The following FHAD1 variants were observed in gnomAD, a reference collection of about 807,000 sequenced individuals.
FHAD1 encodes the protein forkhead associated phosphopeptide binding domain 1.
A neutral mutation model predicts 191.3 loss-of-function variants in FHAD1; 146 were observed. That is an observed-to-expected ratio of 0.76 (90% confidence interval 0.67 to 0.88). The LOEUF is 0.88. Ranked by LOEUF, FHAD1 falls within the 40% of genes least tolerant of loss-of-function variation. The probability of loss-of-function intolerance (pLI) is 0.00; values close to 1 mark genes in which losing one functional copy is unlikely to be tolerated. For synonymous variants in FHAD1, 616 were observed against 672.3 expected, an observed-to-expected ratio of 0.92 and a Z score of 1.29; for missense variants, 1,635 against 1,785.8, an observed-to-expected ratio of 0.92 and a Z score of 1.52.
intron 5 of FHAD1, among the ~76,000 whole-genome samples, chr1:15,299,367 A>T (rs145201888): frequency 6.6e-6 from 1 of 152,158 alleles, no homozygotes; most frequent in Non-Finnish European, 1.5e-5. Flanking sequence ...TGTTTCCCTC[A>T]TAGTTTTGCT....
intron 7 of FHAD1, among the ~76,000 whole-genome samples, chr1:15,309,503 G>T (rs1671579273): frequency 6.6e-6 from 1 of 152,142 alleles, no homozygotes; most frequent in African/African-American, 2.4e-5. Context: ...AGGAAATAAA[G>T]CTGGACACCG....
chr1:15,339,382 CGTT>C (rs1685604812), intron 14 of FHAD1, 96 bp from the exon 15 acceptor site: 4 of 466,360 alleles, frequency 8.6e-6, no homozygotes, highest in South Asian at 5.9e-5. Flanking sequence ...TGGCAGCTCA[CGTT>C]GTTTTGATGG....
intron 3 of FHAD1, among the ~76,000 whole-genome samples, chr1:15,279,769 C>CT (rs1453478861): frequency 1.3e-5 from 2 of 152,004 alleles, no homozygotes; most frequent in Non-Finnish European, 1.5e-5. Context: ...ATGGAATGCT[C>CT]TGACTGGCCA....
intron 14 of FHAD1, among the ~76,000 whole-genome samples, chr1:15,333,865 C>G (rs1466038050): frequency 3.4e-5 from 3 of 88,192 alleles, no homozygotes; most frequent in Non-Finnish European, 6.1e-5. Flanking sequence ...AAAAGTCTTG[C>G]GTTGTTGCCC....
intron 18 of FHAD1, among the ~76,000 whole-genome samples, chr1:15,347,920 A>T (rs1057355223): frequency 6.6e-6 from 1 of 152,222 alleles, no homozygotes; most frequent in South Asian, 2.1e-4. Flanking sequence ...GAGCCAGGCA[A>T]GGCCTCTCTT....
At chr1:15,346,690 G>A (rs961460819) in intron 18 of FHAD1, among the ~76,000 whole-genome samples, 2 of 152,248 alleles carry the variant, frequency 1.3e-5, no homozygotes, top group Admixed American at 6.5e-5. Context: ...GTCACCCTCA[G>A]ATCCCTGATC....
At chr1:15,348,859 A>G (rs1024921374) in intron 18 of FHAD1, among the ~76,000 whole-genome samples, 183 bp from the exon 19 acceptor site, 1 of 152,080 alleles carries the variant, frequency 6.6e-6, no homozygotes, top group Non-Finnish European at 1.5e-5. Flanking sequence ...GGCCACTCTC[A>G]GCACTTCTCT....
In FHAD1 at chr1:15,296,721, G is replaced by C; in HGVS notation, c.606G>C (p.Val202=). 6.4e-7 allele frequency: 1 copy of C among 1,552,110 alleles called. No homozygotes were observed. The highest frequency in any genetic ancestry group is 8.7e-7 in the Non-Finnish European group (1 of 1,147,104). Residue 202 remains valine, a synonymous_variant, in exon 5 of 34, where the codon GTG becomes GTC. Coordinates refer to ENST00000688493, the MANE Select transcript of FHAD1 (RefSeq NM_001391957.1). ...CCATGAAACTGTCAGAAAAATCAGTGGCCGAGGGGATTCCTGGGGCAGTTC... is the reference window on the plus strand; with the variant it reads ...CCATGAAACTGTCAGAAAAATCAGTCGCCGAGGGGATTCCTGGGGCAGTTC... The part of the protein sequence containing the change: ...TNAMKLSEKS[V]AEGIPGAVPP...
intron 13 of FHAD1, 178 bp downstream of exon 13, chr1:15,328,607 A>T: frequency 1.9e-6 from 1 of 519,464 alleles, no homozygotes; most frequent in Non-Finnish European, 3.2e-6. Flanking sequence ...GCCTAAAAAA[A>T]TGCCTCCCGG....
At chr1:15,319,302 G>A (rs1574301125) in intron 10 of FHAD1, among the ~76,000 whole-genome samples, 1 of 152,192 alleles carries the variant, frequency 6.6e-6, no homozygotes, top group Non-Finnish European at 1.5e-5. Context: ...CTCGTGAGCT[G>A]AAATGTATAC....
rs545708264 is a variant in FHAD1, at chr1:15,335,926, G to T, written c.1907-3555G>T. On this transcript the variant is annotated intron_variant, in intron 14 of 33. Coordinates refer to ENST00000688493, the MANE Select transcript of FHAD1 (RefSeq NM_001391957.1). ...TTTCATCCTTCCCCTTTGATTCCTG[G>T]GTCACACGTTGCAGCCGAGCAAAAT... is the stretch of plus-strand genomic sequence containing the variant. Among the ~76,000 whole-genome samples, 31 of 152,030 alleles carry T rather than the reference G, an allele frequency of 2.0e-4. No individual in the cohort carries two copies. The South Asian group carries it at 6.5e-3, about 32-fold the overall frequency.
At chr1:15,383,885 C>T (rs543672718) in intron 31 of FHAD1, 86 of 448,090 alleles carry the variant, frequency 1.9e-4, no homozygotes, top group African/African-American at 1.6e-3. Context: ...GGACCTGACC[C>T]CAGATCCCTC....
chr1:15,374,848 G>GTTTTTGTTTT (rs1699106627), intron 27 of FHAD1, among the ~76,000 whole-genome samples: 3 of 107,654 alleles, frequency 2.8e-5, no homozygotes, highest in African/African-American at 1.7e-4. Context: ...ACTATTGTAC[G>GTTTTTGTTTT]TTTTTTTTTT....
In FHAD1 at chr1:15,289,928, A is replaced by G. The variant is rs1663962367; in HGVS notation, c.568+262A>G. Among the ~76,000 whole-genome samples the G allele has an allele frequency of 1.3e-5, 2 of 152,168 alleles. No individual in the cohort carries two copies. The highest frequency in any genetic ancestry group is 4.8e-5 in the African/African-American group (2 of 41,448). On this transcript the variant is annotated intron_variant, in intron 4 of 33. Transcript: ENST00000688493. This position sits in a 1 kb window ranked among gnomAD's most constrained non-coding sequence, Gnocchi z 4.2. The stretch of plus-strand genomic sequence containing the variant: ...CGTATACACACACCAGGGCACCTGC[A>G]GTGGGTGTGGCCTCTGTGTGTGTGT...
intron 33 of FHAD1, among the ~76,000 whole-genome samples, chr1:15,393,415 G>GAC (rs772225551): frequency 2.3e-5 from 3 of 127,754 alleles, no homozygotes; most frequent in South Asian, 2.4e-4. Context: ...CATAGATGTG[G>GAC]ACACACACAC....
chr1:15,323,866 C>T (rs1341034313), intron 10 of FHAD1, among the ~76,000 whole-genome samples: 1 of 152,202 alleles, frequency 6.6e-6, no homozygotes, highest in Non-Finnish European at 1.5e-5. Flanking sequence ...GCTCCCAGAG[C>T]AGTTTCCCTT....
Position 15,355,155 on chromosome 1 carries a change from G to A in FHAD1, c.2562+2171G>A, listed in dbSNP as rs1570095557. ...ACCCGGGAGGCAGAGGTTGCAATGA[G>A]TCAAGGTCATGCCATTGCACTCCAG... is the stretch of plus-strand genomic sequence containing the variant. On this transcript the variant is annotated intron_variant, in intron 20 of 33. Coordinates refer to ENST00000688493, the MANE Select transcript of FHAD1 (RefSeq NM_001391957.1). 4.6e-5 allele frequency among the ~76,000 whole-genome samples: 7 copies of A among 151,432 alleles called. No individual in the cohort carries two copies. In the South Asian group the frequency reaches 1.5e-3, roughly 31 times the overall value.
intron 14 of FHAD1, among the ~76,000 whole-genome samples, chr1:15,339,163 T>A (rs1469032106): frequency 6.6e-6 from 1 of 152,116 alleles, no homozygotes; most frequent in Admixed American, 6.6e-5. Flanking sequence ...ATTACAAACA[T>A]GCGCCACCAC....
rs556823025 is a variant in FHAD1 at position 15,352,864 on chromosome 1, C to G, written c.2455-13C>G. 4 of 1,547,792 alleles carry G rather than the reference C, an allele frequency of 2.6e-6. No individual in the cohort carries two copies. The South Asian group carries it at 3.6e-5, about 14-fold the overall frequency. On this transcript the variant is annotated splice_polypyrimidine_tract_variant and intron_variant, in intron 19 of 33. Transcript: ENST00000688493. The stretch of plus-strand genomic sequence containing the variant: ...AGGGCACAGGCCCTCAAACCACTTT[C>G]ATTGACTTCCAGATCTCAGAGAGCA...
Sources: allele counts gnomAD v4.1 joint callset (sites outside exome capture counted in the v4.1 genomes callset), GRCh38; gene constraint gnomAD v4.1.1; non-coding constraint Gnocchi (gnomAD v3.1); transcripts MANE v1.5; gene names NCBI Gene and HGNC (gene_info 2026-07-23, HGNC 2026-07-21).